AASS: variants seen among roughly 807,000 people sequenced by gnomAD.
AASS encodes the protein aminoadipate-semialdehyde synthase, also known as alpha-aminoadipic semialdehyde synthase, mitochondrial.
AASS carries 86 observed loss-of-function variants against 105.4 expected under a neutral mutation model. The observed-to-expected ratio is 0.82, with a 90% CI of 0.69 to 0.98. AASS has a LOEUF of 0.98. Among genes scored for constraint, AASS ranks in the 50% least tolerant of loss-of-function variants. The pLI, the probability that AASS is intolerant of heterozygous loss-of-function variation, is 0.00. For synonymous variants in AASS, 381 were observed against 394.8 expected (o/e 0.96, Z 0.41); for missense variants, 1,048 against 1,143.2 (o/e 0.92, Z 1.20).
chr7:122,100,161 T>G (rs1055601000), intron 13 of AASS, among the ~76,000 whole-genome samples: 1 of 151,852 alleles, frequency 6.6e-6, no homozygotes, highest in Non-Finnish European at 1.5e-5. Flanking sequence ...TGGCACAAGT[T>G]TCCATCAGGA....
chr7:122,088,092 T>C (rs1280967979), intron 18 of AASS, among the ~76,000 whole-genome samples: 1 of 152,172 alleles, frequency 6.6e-6, no homozygotes, highest in Non-Finnish European at 1.5e-5. Context: ...ATAATTTGAA[T>C]GACAACAGAA....
intron 11 of AASS, among the ~76,000 whole-genome samples, chr7:122,112,783 T>C (rs933012999): frequency 1.3e-5 from 2 of 152,092 alleles, no homozygotes; most frequent in African/African-American, 2.4e-5. Context: ...TACGGCACAA[T>C]AAGAGTGCCC....
At chr7:122,104,928 T>A (rs1584853270) in intron 11 of AASS, among the ~76,000 whole-genome samples, 1 of 150,868 alleles carries the variant, frequency 6.6e-6, no homozygotes, top group Non-Finnish European at 1.5e-5. Context: ...GAACCTAAAA[T>A]AAAAGTTGCA....
chr7:122,141,521 G>A (rs2150560721), intron 1 of AASS, among the ~76,000 whole-genome samples: 1 of 152,094 alleles, frequency 6.6e-6, no homozygotes, highest in Admixed American at 6.6e-5. Flanking sequence ...AAAACAGCAA[G>A]TGTTTTAAGA....
intron 1 of AASS, among the ~76,000 whole-genome samples, chr7:122,141,459 T>A (rs1302826744): frequency 6.6e-6 from 1 of 152,124 alleles, no homozygotes; most frequent in Non-Finnish European, 1.5e-5. Context: ...ACTGCAAATG[T>A]GTATGAGTTG....
chr7:122,091,753 C>G lies in AASS; in HGVS notation c.1966G>C (p.Gly656Arg), dbSNP rs1281111526. The change falls in exon 18 of 24, where the codon GGA becomes CGA. Residue 656 changes from glycine to arginine, a missense_variant. Transcript: ENST00000417368. ...GACTGCATTACATTCATCAAAACTC[C>G]CACTGGACTCCAGCTAAATTTATAT... ...LRYKFSWSPVGVLMNVMQSAT... is the reference protein window; with the variant it reads ...LRYKFSWSPVRVLMNVMQSAT... 1.9e-6 allele frequency: 3 copies of G among 1,613,426 alleles called. No individual in the cohort carries two copies. In the African/African-American group the frequency reaches 4.0e-5, roughly 22 times the overall value.
Position 122,080,978 on chromosome 7 carries a change from TC to T in AASS, c.2280+521del, listed in dbSNP as rs56186344. On this transcript the variant is annotated intron_variant, in intron 20 of 23. Coordinates refer to ENST00000417368, the MANE Select transcript of AASS (RefSeq NM_005763.4). Reference sequence around the variant, plus strand: ...TCTACTTCGCATTCAGTTCCAAGCCTCCAAAGTTCATTCCAACTCTGAGGCC... The same window carrying T: ...TCTACTTCGCATTCAGTTCCAAGCCTCAAAGTTCATTCCAACTCTGAGGCC... Among the ~76,000 whole-genome samples the T allele has an allele frequency of 4.5e-3, 680 of 152,246 alleles. 3 individuals carry two copies. The highest frequency in any genetic ancestry group is 7.8e-3 in the Non-Finnish European group (532 of 67,998).
At chr7:122,091,565 A>G in intron 18 of AASS, 138 bp downstream of exon 18, 1 of 1,339,128 alleles carries the variant, frequency 7.5e-7, no homozygotes, top group Non-Finnish European at 1.0e-6. Flanking sequence ...GAAAATATAC[A>G]CTGGGAAACA....
chr7:122,111,126 C>T (rs1233706533), intron 11 of AASS, among the ~76,000 whole-genome samples: 2 of 152,026 alleles, frequency 1.3e-5, no homozygotes, highest in African/African-American at 2.4e-5. Flanking sequence ...AAAGTTCAAC[C>T]ACAAATTGAC....
intron 15 of AASS, among the ~76,000 whole-genome samples, chr7:122,097,867 T>C (rs1391720445): frequency 6.6e-6 from 1 of 151,998 alleles, no homozygotes; most frequent in Non-Finnish European, 1.5e-5. Context: ...TTTAGTGAAA[T>C]GGTCACTAAA....
At chr7:122,120,527 C>G (rs925733561) in intron 4 of AASS, among the ~76,000 whole-genome samples, 1 of 151,652 alleles carries the variant, frequency 6.6e-6, no homozygotes, top group Non-Finnish European at 1.5e-5. Flanking sequence ...CATTGATTTT[C>G]TCTATTCTTT....
intron 15 of AASS, among the ~76,000 whole-genome samples, chr7:122,096,238 T>C (rs1336292454): frequency 6.6e-6 from 1 of 152,180 alleles, no homozygotes. Flanking sequence ...ATGAGAATTG[T>C]ACATATTACT....
At chr7:122,131,033 C>CAAAAAAAAAAAAAAAAAAAAAA in intron 2 of AASS, among the ~76,000 whole-genome samples, 1 of 88,518 alleles carries the variant, frequency 1.1e-5, no homozygotes, top group Admixed American at 1.2e-4. Flanking sequence ...TTTATTTTTG[C>CAAAAAAAAAAAAAAAAAAAAAA]AAAAAAAAAA....
intron 3 of AASS, among the ~76,000 whole-genome samples, chr7:122,127,908 T>C (rs1030798731): frequency 2.0e-5 from 3 of 152,130 alleles, no homozygotes; most frequent in Non-Finnish European, 4.4e-5. Context: ...CCAACAGCCC[T>C]CTTAGATTAT....
In AASS at chr7:122,092,940, G is replaced by T. The variant is rs777194593; in HGVS notation, c.1778C>A (p.Ala593Asp). ...CAATTCACCAATGATTGTGATGCCA[G>T]CATCTTCCACACTGCAGCAGGTGGA... The part of the protein sequence containing the change: ...LKELEKSVED[A>D]GITIIGELGL... The change falls in exon 17 of 24, where the codon GCT becomes GAT. Residue 593 changes from alanine (A) to aspartate (D), a missense_variant. Transcript: ENST00000417368. 6.2e-7 allele frequency: 1 copy of T among 1,613,698 alleles called. No homozygotes were observed. The highest frequency in any genetic ancestry group is 8.5e-7 in the Non-Finnish European group (1 of 1,179,826).
At chr7:122,106,910 C>T (rs768388899) in intron 11 of AASS, among the ~76,000 whole-genome samples, 25 of 151,956 alleles carry the variant, frequency 1.6e-4, no homozygotes, top group Non-Finnish European at 2.9e-4. Flanking sequence ...TCTAATTAAA[C>T]TAAGGGGGTT....
intron 15 of AASS, among the ~76,000 whole-genome samples, chr7:122,094,266 T>C (rs890852415): frequency 6.6e-6 from 1 of 151,946 alleles, no homozygotes; most frequent in Non-Finnish European, 1.5e-5. Context: ...GTAAAATAAA[T>C]AAATATTCCC....
Position 122,079,634 on chromosome 7 carries a change from G to C in AASS, c.2359C>G (p.Leu787Val). ...TCCAACTGGGTATTGTCTCCTCCTAGTTTCTTAAGAACAGCTTCCTTCAAC... is the reference window on the plus strand; with the variant it reads ...TCCAACTGGGTATTGTCTCCTCCTACTTTCTTAAGAACAGCTTCCTTCAAC... ...DVLKEAVLKK[L>V]GGDNTQLEAA... The change falls in exon 21 of 24, where the codon CTA becomes GTA. Residue 787 changes from leucine to valine, a missense_variant. By Grantham distance (32) the Leu-to-Val change is conservative (BLOSUM62 1). Coordinates refer to ENST00000417368, the MANE Select transcript of AASS (RefSeq NM_005763.4). 2 of 1,614,014 alleles carry C rather than the reference G, an allele frequency of 1.2e-6. No homozygotes were observed. The highest frequency in any genetic ancestry group is 1.7e-6 in the Non-Finnish European group (2 of 1,179,912).
chr7:122,128,733 A>C (rs974203656), intron 3 of AASS, among the ~76,000 whole-genome samples: 5 of 152,148 alleles, frequency 3.3e-5, no homozygotes, highest in African/African-American at 1.2e-4. Flanking sequence ...AGTTTTTTTC[A>C]TAGTATTTCT....
Sources: gnomAD v4.1 joint callset for allele counts (sites outside exome capture counted in the v4.1 genomes callset) on GRCh38, gnomAD v4.1.1 for gene constraint, MANE v1.5 for transcripts, NCBI Gene and HGNC (gene_info 2026-07-23, HGNC 2026-07-21) for gene names.